Variants in LMNTD1 observed in about 807,000 individuals in gnomAD.
The protein encoded by LMNTD1 is lamin tail domain containing 1.
LMNTD1 carries 35 observed loss-of-function variants against 50.9 expected under a neutral mutation model. The ratio of observed to expected loss-of-function variants is 0.69; its 90% confidence interval spans 0.53 to 0.91. LMNTD1 has a LOEUF of 0.91. Ranked by LOEUF, LMNTD1 falls within the 40% of genes least tolerant of loss-of-function variation. LMNTD1 has a pLI of 0.00. For missense variants in LMNTD1, 470 were observed against 475.5 expected (o/e 0.99, Z 0.11); for synonymous variants, 153 against 161.9 (o/e 0.94, Z 0.42).
intron 1 of LMNTD1, among the ~76,000 whole-genome samples, chr12:25,639,592 C>A (rs763442900): frequency 2.0e-5 from 3 of 152,032 alleles, no homozygotes; most frequent in African/African-American, 7.2e-5. Context: ...AAATCAAAAC[C>A]ACAATAAGAT....
intron 1 of LMNTD1, chr12:25,585,972 G>C (rs1003513811): frequency 1.3e-5 from 2 of 152,124 alleles, no homozygotes; most frequent in African/African-American, 2.4e-5. Flanking sequence ...CATTGGTCCC[G>C]TTGGTGACAG....
intron 2 of LMNTD1, among the ~76,000 whole-genome samples, chr12:25,552,581 G>GAAA (rs55848800): frequency 0.03 from 1,722 of 58,126 alleles, 90 homozygotes; most frequent in African/African-American, 0.077. Flanking sequence ...CACTCTGTCT[G>GAAA]AAAAAAAAAA....
rs570118132 is a variant in LMNTD1, at chr12:25,563,915, A to G, written c.59-17361T>C. On this transcript the variant is annotated intron_variant, in intron 1 of 7. Coordinates refer to the LMNTD1 transcript ENST00000445693. The stretch of plus-strand genomic sequence containing the variant: ...CAGACTGCTGTGCTAGCAGTGAGTG[A>G]GGCTCCGTAGGCGTGGGACCCTCCA... Among the ~76,000 whole-genome samples, 6 of 152,276 alleles carry G rather than the reference A, an allele frequency of 3.9e-5. No homozygotes were observed. The South Asian group carries it at 1.2e-3, about 32-fold the overall frequency.
chr12:25,581,282 C>T (rs1201142679), intron 1 of LMNTD1, among the ~76,000 whole-genome samples: 1 of 152,196 alleles, frequency 6.6e-6, no homozygotes, highest in East Asian at 1.9e-4. Flanking sequence ...GTTGTTTTAT[C>T]TCCAAAGCAT....
chr12:25,504,641 CAGAAGAATTATCA>C (rs1939619603), intron 8 of LMNTD1, among the ~76,000 whole-genome samples: 1 of 152,098 alleles, frequency 6.6e-6, no homozygotes, highest in Admixed American at 6.6e-5. Context: ...CATGCAAGCT[CAGAAGAATTATCA>C]AGTTAAATTG....
At chr12:25,597,092 A>G (rs1457436287) in intron 1 of LMNTD1, among the ~76,000 whole-genome samples, 1 of 152,118 alleles carries the variant, frequency 6.6e-6, no homozygotes, top group Non-Finnish European at 1.5e-5. Context: ...AAGAAACTAA[A>G]TCATATCACC....
chr12:25,586,904 A>G (rs1162979639), intron 1 of LMNTD1, among the ~76,000 whole-genome samples: 2 of 152,148 alleles, frequency 1.3e-5, no homozygotes, highest in Non-Finnish European at 2.9e-5. Context: ...ACCACATAGC[A>G]TGCCCTTTGT....
At chr12:25,594,555 T>TA (rs988145624) in intron 1 of LMNTD1, among the ~76,000 whole-genome samples, 4 of 142,930 alleles carry the variant, frequency 2.8e-5, no homozygotes, top group Non-Finnish European at 6.0e-5. Context: ...AGAACTGACT[T>TA]AAAAAAATCT....
intron 9 of LMNTD1, among the ~76,000 whole-genome samples, chr12:25,482,974 G>A (rs1938492030): frequency 6.6e-6 from 1 of 151,918 alleles, no homozygotes; most frequent in Non-Finnish European, 1.5e-5. Context: ...GGTTTTCAAA[G>A]CAGTGACAAT....
At chr12:25,582,850 GTTTA>G (rs1216252215) in intron 1 of LMNTD1, among the ~76,000 whole-genome samples, 1 of 152,036 alleles carries the variant, frequency 6.6e-6, no homozygotes, top group Non-Finnish European at 1.5e-5. Flanking sequence ...TATTTAAGCA[GTTTA>G]TTTATTTATT....
chr12:25,620,326 C>T (rs1946443833), intron 1 of LMNTD1, among the ~76,000 whole-genome samples: 1 of 151,924 alleles, frequency 6.6e-6, no homozygotes, highest in Non-Finnish European at 1.5e-5. Flanking sequence ...GTTCTCAATT[C>T]CAATTTTCAC....
At chr12:25,630,968 G>C (rs1946705389) in intron 1 of LMNTD1, among the ~76,000 whole-genome samples, 1 of 152,222 alleles carries the variant, frequency 6.6e-6, no homozygotes, top group Non-Finnish European at 1.5e-5. Flanking sequence ...AGTCGGGGCA[G>C]AGTGGGAGTG....
chr12:25,554,649 A>G (rs1009507002), upstream of LMNTD1, among the ~76,000 whole-genome samples: 1 of 152,202 alleles, frequency 6.6e-6, no homozygotes, highest in Non-Finnish European at 1.5e-5. Flanking sequence ...TATTAGTGGC[A>G]TTTGGTAGAC....
At chr12:25,541,990 A>G (rs985353997) in intron 4 of LMNTD1, among the ~76,000 whole-genome samples, 3 of 152,180 alleles carry the variant, frequency 2.0e-5, no homozygotes, top group Non-Finnish European at 2.9e-5. Context: ...ATCACTGGCC[A>G]TCAGAGACCT....
intron 1 of LMNTD1, among the ~76,000 whole-genome samples, chr12:25,567,577 G>A (rs1944605262): frequency 6.6e-6 from 1 of 152,106 alleles, no homozygotes; most frequent in African/African-American, 2.4e-5. Flanking sequence ...GGGATCATGG[G>A]GATTGGTCCC....
intron 1 of LMNTD1, among the ~76,000 whole-genome samples, chr12:25,619,705 G>A (rs560301954): frequency 2.6e-5 from 4 of 152,290 alleles, no homozygotes; most frequent in South Asian, 2.1e-4. Context: ...TGGGCAGGAC[G>A]GCAGGTGGGG....
At chr12:25,523,378 A>G (rs1215199282) in intron 6 of LMNTD1, among the ~76,000 whole-genome samples, 2 of 152,184 alleles carry the variant, frequency 1.3e-5, no homozygotes, top group African/African-American at 2.4e-5. Context: ...TCTTTGCCCC[A>G]TCTTACAAAT....
At chr12:25,484,336 C>T (rs989800625) in intron 9 of LMNTD1, among the ~76,000 whole-genome samples, 2 of 151,786 alleles carry the variant, frequency 1.3e-5, no homozygotes, top group African/African-American at 4.9e-5. Flanking sequence ...TGAGTTCAAA[C>T]AAACCTCTGG....
At chr12:25,543,399 T>C (rs1421937764) in intron 4 of LMNTD1, among the ~76,000 whole-genome samples, 2 of 151,998 alleles carry the variant, frequency 1.3e-5, no homozygotes, top group Non-Finnish European at 2.9e-5. Context: ...ATTCAAACAG[T>C]ATAGTAAAAC....
Sources: allele counts gnomAD v4.1 joint callset (sites outside exome capture counted in the v4.1 genomes callset), GRCh38; gene constraint gnomAD v4.1.1; transcripts MANE v1.5; gene names NCBI Gene and HGNC (gene_info 2026-07-23, HGNC 2026-07-21).